PRSS50: variants seen among roughly 807,000 people sequenced by gnomAD.
PRSS50 encodes the protein probable threonine protease PRSS50.
PRSS50 carries 23 observed loss-of-function variants against 34.2 expected under a neutral mutation model. That is an observed-to-expected ratio of 0.67 (90% CI 0.48 to 0.95). PRSS50 has a LOEUF of 0.95. PRSS50 is among the 40% of genes least tolerant of loss of function. The probability of loss-of-function intolerance (pLI) is 0.00; values close to 1 mark genes in which losing one functional copy is unlikely to be tolerated. For synonymous variants in PRSS50, 224 were observed against 211.2 expected, an observed-to-expected ratio of 1.06 and a Z score of -0.53; for missense variants, 484 against 513.4, an observed-to-expected ratio of 0.94 and a Z score of 0.55.
At position 46,717,818 on chromosome 3, in the gene PRSS50, G is replaced by A. The variant is rs61740476; in HGVS notation, c.7C>T (p.Arg3Cys). The A allele has an allele frequency of 2.6e-6, 4 of 1,518,742 alleles. No individual in the cohort carries two copies. The highest frequency in any genetic ancestry group is 2.8e-5 in the African/African-American group (2 of 72,088). The allele number at this position is 1,518,742 out of a possible 1,614,324, so 94.1% of individuals were successfully genotyped here. ...CCGCGCGCGACGGTCTGGCACCAGC[G>A]ACCCATCCCGGGGTGGCAGCCGACT... MG[R>C]WCQTVARGQR... Residue 3 changes from arginine (R) to cysteine (C), a missense_variant, in exon 1 of 6, where the codon CGC becomes TGC. By Grantham distance (180) the Arg-to-Cys change is radical. Coordinates refer to ENST00000315170, the MANE Select transcript of PRSS50 (RefSeq NM_013270.5). The surrounding 1 kb of genome is among the most constrained non-coding windows in gnomAD (Gnocchi z 4.5).
At chr3:46,714,186 A>G (rs772014719) in intron 4 of PRSS50, 32 bp downstream of exon 4, 4 of 1,601,190 alleles carry the variant, frequency 2.5e-6, no homozygotes, top group East Asian at 4.5e-5. Flanking sequence ...TTCTCACAGC[A>G]CCCGCCCTGG....
chr3:46,717,142 A>G lies in PRSS50; in HGVS notation c.307+295T>C, dbSNP rs1389994341. 6.6e-6 allele frequency among the ~76,000 whole-genome samples: 1 copy of G among 152,128 alleles called. No homozygotes were observed. On this transcript the variant is annotated intron_variant, in intron 2 of 5. Transcript: ENST00000315170. This position sits in a 1 kb window ranked among gnomAD's most constrained non-coding sequence, Gnocchi z 4.5. ...AGCAGGGTGAGAGGCCACCTGCCCC[A>G]CAGCCAGCTCAGGCGAGGCGGGAAC...
Position 46,713,019 on chromosome 3 carries a change from A to G in PRSS50, c.803T>C (p.Leu268Pro). ...GAAATTGTCACACTCTTTGTTGTTC[A>G]GGATGATGACTTCCTTCTCCTGAAT... ...RTIQEKEVII[L>P]NNKECDNFYH... The change falls in exon 5 of 6, where the codon CTG (leucine) becomes CCG (proline). Residue 268 changes from leucine to proline, a missense_variant. By Grantham distance (98) the Leu-to-Pro change is moderately conservative. Coordinates refer to ENST00000315170, the MANE Select transcript of PRSS50 (RefSeq NM_013270.5). 1 of 1,614,206 alleles carries G rather than the reference A, an allele frequency of 6.2e-7. No homozygotes were observed. Among genetic ancestry groups the G allele is most frequent in the Non-Finnish European group, 8.5e-7 (1 of 1,180,026 alleles).
At position 46,714,256 on chromosome 3, in the gene PRSS50, C is replaced by T. The variant is rs201489237; in HGVS notation, c.716G>A (p.Arg239His). 1.6e-5 allele frequency: 26 copies of T among 1,613,992 alleles called. No homozygotes were observed. Among genetic ancestry groups the T allele is most frequent in the Admixed American group, 1.7e-5 (1 of 60,000 alleles). The change falls in exon 4 of 6, where the codon CGC (arginine) becomes CAC (histidine). Residue 239 changes from arginine (R) to histidine (H), a missense_variant. Transcript: ENST00000315170. ...GTDYVLKDHS[R>H]CTVTGWGLSK... ...AAGTCCCCAGCCCGTCACAGTGCAG[C>T]GGGAATGGTCCTTCAACACATAGTC...
At chr3:46,712,582 C>A in intron 5 of PRSS50, 100 bp from the exon 6 acceptor site, 1 of 1,098,170 alleles carries the variant, frequency 9.1e-7, no homozygotes, top group Non-Finnish European at 1.4e-6. Flanking sequence ...CACACCTCCA[C>A]AGTCCCCCAG....
At position 46,712,964 on chromosome 3, in the gene PRSS50, C is replaced by T; in HGVS notation, c.858G>A (p.Leu286=). 6.2e-7 allele frequency: 1 copy of T among 1,614,140 alleles called. No individual in the cohort carries two copies. The highest frequency in any genetic ancestry group is 8.5e-7 in the Non-Finnish European group (1 of 1,180,010). The change falls in exon 5 of 6, where the codon CTG becomes CTA. Residue 286 remains leucine (L), a synonymous_variant. Transcript: ENST00000315170. ...FYHNFTKIPT[L]VQIIKSQMMC... ...TCATCTGGGACTTGATGATCTGAAC[C>T]AGAGTGGGGATTTTGGTGAAGTTGT...
chr3:46,712,180 G>T lies in PRSS50; in HGVS notation c.*66C>A. 7.3e-7 allele frequency: 1 copy of T among 1,370,184 alleles called. No individual in the cohort carries two copies. 84.9% of individuals were successfully genotyped at this position (1,370,184 alleles called of 1,614,324 possible). On this transcript the variant is annotated 3_prime_UTR_variant, in exon 6 of 6. Coordinates refer to ENST00000315170, the MANE Select transcript of PRSS50 (RefSeq NM_013270.5). Reference sequence around the variant, plus strand: ...CACCCTGACTCTCAGGGCTGTGACAGCTGCACCCACAGCAACCTGGGCACG... The same window carrying T: ...CACCCTGACTCTCAGGGCTGTGACATCTGCACCCACAGCAACCTGGGCACG...
intron 4 of PRSS50, 25 bp from the exon 5 acceptor site, chr3:46,713,092 C>G: frequency 3.1e-6 from 5 of 1,611,034 alleles, no homozygotes; most frequent in African/African-American, 1.3e-5. Context: ...CCCATTTAGG[C>G]GCAGCCACTC....
rs761903174 is a variant in PRSS50, at chr3:46,713,065, T to G, written c.757A>C (p.Met253Leu). The part of the protein sequence containing the change: ...TGWGLSKADG[M>L]WPQFRTIQEK... The stretch of plus-strand genomic sequence containing the variant: ...TGAATGGTCCGGAACTGAGGCCACA[T>G]GCCTGTGGGACAGGGCCCCATTTAG... The change falls in exon 5 of 6, where the codon ATG becomes CTG. Residue 253 changes from methionine to leucine, a missense_variant and splice_region_variant. Met to Leu is a conservative substitution (Grantham distance 15). Transcript: ENST00000315170. 1 of 1,613,944 alleles carries G rather than the reference T, an allele frequency of 6.2e-7. No homozygotes were observed. The highest frequency in any genetic ancestry group is 8.5e-7 in the Non-Finnish European group (1 of 1,179,862).
In PRSS50 at chr3:46,716,674, A is replaced by G. The variant is rs1475533152; in HGVS notation, c.307+763T>C. ...GTGAGGATTATCACCCAGAATGCCT[A>G]CCCACGGCTGGTGGGAGTGCTCACT... On this transcript the variant is annotated intron_variant, in intron 2 of 5. Transcript: ENST00000315170. This position sits in a 1 kb window ranked among gnomAD's most constrained non-coding sequence, Gnocchi z 4.4. 6.6e-6 allele frequency among the ~76,000 whole-genome samples: 1 copy of G among 152,180 alleles called. No homozygotes were observed. Among genetic ancestry groups the G allele is most frequent in the Non-Finnish European group, 1.5e-5 (1 of 68,040 alleles).
At chr3:46,714,149 T>C in intron 4 of PRSS50, 69 bp downstream of exon 4, 2 of 1,547,706 alleles carry the variant, frequency 1.3e-6, no homozygotes, top group Non-Finnish European at 1.8e-6. Flanking sequence ...CCATCTGTGG[T>C]GGCACCCTGG....
rs1700696486 is a variant in PRSS50 at position 46,717,349 on chromosome 3, C to T, written c.307+88G>A. ...GCTCCTCTATCCTGCTCGCCCCCGT[C>T]CCTTCTGCTCCCCTAGCCCCAGCCA... On this transcript the variant is annotated intron_variant, in intron 2 of 5. Transcript: ENST00000315170. The surrounding 1 kb of genome is among the most constrained non-coding windows in gnomAD (Gnocchi z 4.5). 3.4e-6 allele frequency: 5 copies of T among 1,460,498 alleles called. No homozygotes were observed. The South Asian group carries it at 4.8e-5, about 14-fold the overall frequency. The allele number at this position is 1,460,498 out of a possible 1,614,324, so 90.5% of individuals were successfully genotyped here.
Position 46,712,854 on chromosome 3 carries a change from T to TC in PRSS50, c.921+46dup, listed in dbSNP as rs1339775981. Reference sequence around the variant, plus strand: ...TCCGCTCTCCCTCCCCAGATGCCTCTCCCCCAGGTGCCCCTGAAGGGGAGT... The same window carrying TC: ...TCCGCTCTCCCTCCCCAGATGCCTCTCCCCCCAGGTGCCCCTGAAGGGGAGT... On this transcript the variant is annotated intron_variant, in intron 5 of 5. Coordinates refer to ENST00000315170, the MANE Select transcript of PRSS50 (RefSeq NM_013270.5). The TC allele has an allele frequency of 3.5e-6, 5 of 1,434,634 alleles. No individual in the cohort carries two copies. The South Asian group carries it at 4.6e-5, about 13-fold the overall frequency. The allele number at this position is 1,434,634 out of a possible 1,614,324, so 88.9% of individuals were successfully genotyped here. A position where few individuals can be genotyped will look rare whatever the true frequency, so the allele number is the denominator to read the frequency against.
chr3:46,713,205 T>C, intron 4 of PRSS50, 138 bp from the exon 5 acceptor site: 2 of 1,080,444 alleles, frequency 1.9e-6, no homozygotes, highest in Non-Finnish European at 2.7e-6. Context: ...TTCTAGCCCA[T>C]ACCCATCTAG....
chr3:46,715,407 AC>A lies in PRSS50; in HGVS notation c.470+127del. On this transcript the variant is annotated intron_variant, in intron 3 of 5. Coordinates refer to ENST00000315170, the MANE Select transcript of PRSS50 (RefSeq NM_013270.5). The surrounding 1 kb of genome is among the most constrained non-coding windows in gnomAD (Gnocchi z 5.2). ...AAGGAATTTTCAGGACTCAGCCTCC[AC>A]CTGCTTGGAGCCCAGATGAGGCTGG... 7.9e-7 allele frequency: 1 copy of A among 1,262,968 alleles called. No individual in the cohort carries two copies. Among genetic ancestry groups the A allele is most frequent in the East Asian group, 2.5e-5 (1 of 39,506 alleles). The allele number at this position is 1,262,968 out of a possible 1,614,324, so 78.2% of individuals were successfully genotyped here. A position where few individuals can be genotyped will look rare whatever the true frequency, so the allele number is the denominator to read the frequency against.
Position 46,714,332 on chromosome 3 carries a change from G to A in PRSS50, c.640C>T (p.Gln214Ter). Reference sequence around the variant, plus strand: ...ACGTAATTGCTGTACTTGAGTTCCTGCTTGAGCTTGAGGAGGCCGATGTCG... The same window carrying A: ...ACGTAATTGCTGTACTTGAGTTCCTACTTGAGCTTGAGGAGGCCGATGTCG... Reference protein sequence around the residue: ...ANDIGLLKLKQELKYSNYVRP... With the variant: ...ANDIGLLKLK Residue 214 changes from glutamine to a stop codon, truncating the protein, a stop_gained, in exon 4 of 6, where the codon CAG becomes TAG. Coordinates refer to ENST00000315170, the MANE Select transcript of PRSS50 (RefSeq NM_013270.5). LOFTEE classifies it high-confidence loss of function. 6.2e-7 allele frequency: 1 copy of A among 1,614,122 alleles called. No individual in the cohort carries two copies.
In PRSS50 at chr3:46,713,009, T is replaced by C. The variant is rs141108933; in HGVS notation, c.813A>G (p.Lys271=). The C allele has an allele frequency of 1.0e-3, 1,615 of 1,614,178 alleles. 5 individuals are homozygous for C. The highest frequency in any genetic ancestry group is 2.5e-3 in the Middle Eastern group (15 of 6,062). The part of the protein sequence containing the change: ...QEKEVIILNN[K]ECDNFYHNFT... ...AGTTGTGGTAGAAATTGTCACACTC[T>C]TTGTTGTTCAGGATGATGACTTCCT... is the stretch of plus-strand genomic sequence containing the variant. The change falls in exon 5 of 6, where the codon AAA becomes AAG. Residue 271 remains lysine, a synonymous_variant. Coordinates refer to ENST00000315170, the MANE Select transcript of PRSS50 (RefSeq NM_013270.5).
intron 3 of PRSS50, among the ~76,000 whole-genome samples, chr3:46,714,712 T>C (rs1240634134): frequency 6.6e-6 from 1 of 152,140 alleles, no homozygotes; most frequent in Admixed American, 6.5e-5. Flanking sequence ...CTTCATTTTA[T>C]GGAGGGGGAA....
chr3:46,713,912 G>C (rs1192657369), intron 4 of PRSS50, among the ~76,000 whole-genome samples: 1 of 152,218 alleles, frequency 6.6e-6, no homozygotes, highest in South Asian at 2.1e-4. Context: ...CTGGGCAGTG[G>C]GTGTGGACTG....
Sources: allele counts gnomAD v4.1 joint callset (sites outside exome capture counted in the v4.1 genomes callset), GRCh38; gene constraint gnomAD v4.1.1; non-coding constraint Gnocchi (gnomAD v3.1); transcripts MANE v1.5; gene names NCBI Gene and HGNC (gene_info 2026-07-23, HGNC 2026-07-21).